The following CACNA1C variants were observed in gnomAD, a reference collection of about 807,000 sequenced individuals.
The protein encoded by CACNA1C is voltage-dependent L-type calcium channel subunit alpha-1C.
In CACNA1C, 30 loss-of-function variants were observed where a neutral mutation model predicts 229.0. The ratio of observed to expected loss-of-function variants is 0.13; its 90% confidence interval spans 0.10 to 0.18. The LOEUF (loss-of-function observed/expected upper bound fraction) is 0.18. Among genes scored for constraint, CACNA1C ranks in the 10% least tolerant of loss-of-function variants. CACNA1C has a pLI of 1.00. For synonymous variants in CACNA1C, 1,114 were observed against 1,132.5 expected (o/e 0.98, Z 0.33); for missense variants, 1,658 against 2,845.0 (o/e 0.58, Z 9.49).
At chr12:2,106,621 A>AGTG (rs1565721605) in intron 1 of CACNA1C, among the ~76,000 whole-genome samples, 5 of 58,464 alleles carry the variant, frequency 8.6e-5, no homozygotes, top group African/African-American at 2.0e-4. Context: ...TCAGCTGGGC[A>AGTG]TCCTGAAGCC....
chr12:2,561,916 G>A (rs1418800981), intron 11 of CACNA1C, among the ~76,000 whole-genome samples: 1 of 152,192 alleles, frequency 6.6e-6, no homozygotes, highest in Non-Finnish European at 1.5e-5. Flanking sequence ...CCATGCATAT[G>A]TAAACATAAA....
chr12:2,420,102 GGT>G (rs564990323), intron 3 of CACNA1C, among the ~76,000 whole-genome samples: 37,297 of 125,164 alleles, frequency 0.3, 5,647 homozygotes, highest in East Asian at 0.42. Context: ...TAGGCAAAAT[GGT>G]GTGTGTGTGT....
chr12:2,010,203 G>A (rs1173110886), intron 1 of CACNA1C, among the ~76,000 whole-genome samples: 1 of 152,144 alleles, frequency 6.6e-6, no homozygotes, highest in Non-Finnish European at 1.5e-5. Flanking sequence ...ATTTTTATAC[G>A]CTAAAGGATG....
At chr12:2,085,711 C>T (rs1293851755) in intron 1 of CACNA1C, among the ~76,000 whole-genome samples, 1 of 152,186 alleles carries the variant, frequency 6.6e-6, no homozygotes, top group Non-Finnish European at 1.5e-5. Context: ...CTCCTTCTAG[C>T]CCTCATCCTG....
At chr12:2,090,350 C>T (rs1342221228) in intron 1 of CACNA1C, among the ~76,000 whole-genome samples, 3 of 105,646 alleles carry the variant, frequency 2.8e-5, no homozygotes, top group East Asian at 6.5e-4. Context: ...TGGAGTCTTG[C>T]TCTGTCACCC....
At chr12:2,206,092 G>C (rs564000535) in intron 3 of CACNA1C, among the ~76,000 whole-genome samples, 5 of 152,136 alleles carry the variant, frequency 3.3e-5, no homozygotes, top group Admixed American at 6.5e-5. Flanking sequence ...CCTGATTTGA[G>C]GAGTGTTTAG....
intron 3 of CACNA1C, among the ~76,000 whole-genome samples, chr12:2,262,444 C>T (rs1047338935): frequency 3.9e-5 from 6 of 152,246 alleles, no homozygotes; most frequent in African/African-American, 1.4e-4. Flanking sequence ...AATCAAAAGG[C>T]AGGCTCAGTC....
At chr12:2,219,143 A>G (rs1410248785) in intron 3 of CACNA1C, among the ~76,000 whole-genome samples, 1 of 152,202 alleles carries the variant, frequency 6.6e-6, no homozygotes, top group Non-Finnish European at 1.5e-5. Context: ...CCCTTTTATG[A>G]TGGTCATAAG....
chr12:2,435,406 A>G (rs1389022753), intron 3 of CACNA1C, among the ~76,000 whole-genome samples: 2 of 152,242 alleles, frequency 1.3e-5, no homozygotes, highest in Admixed American at 6.5e-5. Context: ...AGGCAGGGGA[A>G]GCATCTCCTG....
chr12:2,259,660 C>G (rs2079298822), intron 3 of CACNA1C, among the ~76,000 whole-genome samples: 1 of 152,120 alleles, frequency 6.6e-6, no homozygotes, highest in African/African-American at 2.4e-5. Flanking sequence ...AAGTGTGTAG[C>G]TTTCTTAATG....
At chr12:2,667,910 G>A (rs555741479) in intron 37 of CACNA1C, among the ~76,000 whole-genome samples, 18 of 152,324 alleles carry the variant, frequency 1.2e-4, no homozygotes, top group African/African-American at 4.3e-4. Context: ...TTCACACCGC[G>A]CTTGCTCGTC....
rs2059636148 is a variant in CACNA1C at position 2,067,343 on chromosome 12, G to A, written c.49+13732G>A. On this transcript the variant is annotated intron_variant, in intron 1 of 46. Transcript: ENST00000399655. The surrounding 1 kb of genome is among the most constrained non-coding windows in gnomAD (Gnocchi z 5.3). The stretch of plus-strand genomic sequence containing the variant: ...TCTGAGTGGATGCACAAAGGGCCAG[G>A]TGGACTTTCTTTGGGGAGCATAACA... 6.6e-6 allele frequency among the ~76,000 whole-genome samples: 1 copy of A among 152,014 alleles called. No individual in the cohort carries two copies. Among genetic ancestry groups the A allele is most frequent in the Non-Finnish European group, 1.5e-5 (1 of 68,010 alleles).
rs142809417 is a variant in CACNA1C, at chr12:2,166,248, C to G, written c.477+45818C>G. 1.3e-5 allele frequency among the ~76,000 whole-genome samples: 2 copies of G among 152,326 alleles called. 1 individual carries two copies. The highest frequency in any genetic ancestry group is 4.8e-5 in the African/African-American group (2 of 41,576). On this transcript the variant is annotated intron_variant, in intron 3 of 46. Coordinates refer to ENST00000399655, the MANE Select transcript of CACNA1C (RefSeq NM_000719.7). ...TCCAGCTTGGCCCCCTCCTCACCAG[C>G]TCCAGTCAGGAACAGAGAGAGGCCT...
In CACNA1C at chr12:2,651,945, T is replaced by C. The variant is rs1238813939; in HGVS notation, c.4074+177T>C. Among the ~76,000 whole-genome samples, 2 of 150,776 alleles carry C rather than the reference T, an allele frequency of 1.3e-5. No homozygotes were observed. The highest frequency in any genetic ancestry group is 4.9e-5 in the African/African-American group (2 of 40,918). ...CGCACCGAGAGGCCTAGACGAAGCATGTGGTTTCCAAGGCAGGCTCAGAGC... is the reference window on the plus strand; with the variant it reads ...CGCACCGAGAGGCCTAGACGAAGCACGTGGTTTCCAAGGCAGGCTCAGAGC... On this transcript the variant is annotated intron_variant, in intron 32 of 46. Coordinates refer to ENST00000399655, the MANE Select transcript of CACNA1C (RefSeq NM_000719.7). The surrounding 1 kb of genome is among the most constrained non-coding windows in gnomAD (Gnocchi z 5.4).
At chr12:2,185,243 AGTT>A (rs1054006323) in intron 3 of CACNA1C, among the ~76,000 whole-genome samples, 3 of 151,998 alleles carry the variant, frequency 2.0e-5, no homozygotes, top group Admixed American at 2.0e-4. Context: ...AATGGGGAGG[AGTT>A]GTTCTGCAGG....
At chr12:2,623,544 T>A (rs123269) in intron 29 of CACNA1C, among the ~76,000 whole-genome samples, 6 of 152,084 alleles carry the variant, frequency 3.9e-5, no homozygotes, top group African/African-American at 1.4e-4. Flanking sequence ...CCTCTGAGCT[T>A]CCAGAGCACC....
chr12:2,428,140 T>C (rs2099050541), intron 3 of CACNA1C, among the ~76,000 whole-genome samples: 1 of 54,522 alleles, frequency 1.8e-5, no homozygotes. Context: ...ATGTACTGTC[T>C]GTTCAAAACT....
intron 19 of CACNA1C, among the ~76,000 whole-genome samples, chr12:2,594,295 A>G (rs748418038): frequency 7.9e-5 from 12 of 152,202 alleles, no homozygotes; most frequent in Non-Finnish European, 1.5e-4. Flanking sequence ...TTTTAATTCT[A>G]TATTTCTTCC....
Position 2,275,640 on chromosome 12 carries a change from T to C in CACNA1C, c.477+155210T>C, listed in dbSNP as rs539788106. On this transcript the variant is annotated intron_variant, in intron 3 of 46. Coordinates refer to ENST00000399655, the MANE Select transcript of CACNA1C (RefSeq NM_000719.7). The surrounding 1 kb of genome is among the most constrained non-coding windows in gnomAD (Gnocchi z 4.1). ...CTAAGCCCACAGCACCACTGGATCT[T>C]TCCCCTCTCTCTGTGAGAAGACGGC... 6.6e-6 allele frequency among the ~76,000 whole-genome samples: 1 copy of C among 152,270 alleles called. No individual in the cohort carries two copies. Among genetic ancestry groups the C allele is most frequent in the South Asian group, 2.1e-4 (1 of 4,828 alleles).
Sources: gnomAD v4.1 joint callset for allele counts (sites outside exome capture counted in the v4.1 genomes callset) on GRCh38, gnomAD v4.1.1 for gene constraint, Gnocchi (gnomAD v3.1) non-coding constraint, MANE v1.5 for transcripts, NCBI Gene and HGNC (gene_info 2026-07-23, HGNC 2026-07-21) for gene names.